SLC24A2: variants seen among roughly 807,000 people sequenced by gnomAD.
SLC24A2 encodes solute carrier family 24 member 2.
A neutral mutation model predicts 62.0 loss-of-function variants in SLC24A2; 36 were observed. That is an observed-to-expected ratio of 0.58 (90% CI 0.44 to 0.77). The LOEUF (loss-of-function observed/expected upper bound fraction) is 0.77, where lower values mean the gene tolerates loss of function less well. Ranked by LOEUF, SLC24A2 falls within the 30% of genes least tolerant of loss-of-function variation. The probability of loss-of-function intolerance (pLI) is 0.00; values close to 1 mark genes in which losing one functional copy is unlikely to be tolerated. For synonymous variants in SLC24A2, 358 were observed against 294.0 expected, an observed-to-expected ratio of 1.22 and a Z score of -2.23; for missense variants, 846 against 817.9, an observed-to-expected ratio of 1.03 and a Z score of -0.42.
intron 2 of SLC24A2, among the ~76,000 whole-genome samples, chr9:19,647,668 G>A (rs1818683392): frequency 1.3e-5 from 2 of 152,160 alleles, no homozygotes; most frequent in Admixed American, 1.3e-4. Context: ...AAACAAACAA[G>A]ATGTATTACC....
chr9:19,581,110 C>G (rs1050049045), intron 5 of SLC24A2, among the ~76,000 whole-genome samples: 6 of 152,168 alleles, frequency 3.9e-5, no homozygotes, highest in African/African-American at 1.4e-4. Context: ...CCTCTCTTCT[C>G]TCAATCCACA....
the SLC24A2 span, among the ~76,000 whole-genome samples, chr9:20,143,493 G>A: frequency 2.6e-5 from 4 of 152,170 alleles, no homozygotes; most frequent in Non-Finnish European, 5.9e-5. Context: ...GACTATGCCA[G>A]GCAGTTTGTC....
At chr9:19,695,986 G>A (rs1313876047) in intron 2 of SLC24A2, among the ~76,000 whole-genome samples, 1 of 152,160 alleles carries the variant, frequency 6.6e-6, no homozygotes. Context: ...CTGTGGACCA[G>A]TACCAGTCTG....
intron 2 of SLC24A2, among the ~76,000 whole-genome samples, chr9:19,698,883 C>G (rs1820275225): frequency 6.6e-6 from 1 of 152,174 alleles, no homozygotes; most frequent in African/African-American, 2.4e-5. Flanking sequence ...ATCACACTTC[C>G]ATTCATTTAT....
the SLC24A2 span, among the ~76,000 whole-genome samples, chr9:20,261,140 G>A: frequency 5.9e-5 from 9 of 152,072 alleles, no homozygotes; most frequent in Non-Finnish European, 8.8e-5. Flanking sequence ...TTACAGGCAC[G>A]AGCCACTGCA....
the SLC24A2 span, among the ~76,000 whole-genome samples, chr9:20,184,757 A>C: frequency 2.0e-5 from 3 of 152,090 alleles, no homozygotes; most frequent in Non-Finnish European, 4.4e-5. Flanking sequence ...GCTTGAGTAT[A>C]TATCCAAAGG....
At chr9:20,227,567 G>A in the SLC24A2 span, among the ~76,000 whole-genome samples, 1 of 139,544 alleles carries the variant, frequency 7.2e-6, no homozygotes, top group Non-Finnish European at 1.5e-5. Context: ...TAAGCAGAAT[G>A]AAGATGACTG....
the SLC24A2 span, among the ~76,000 whole-genome samples, chr9:19,988,956 G>T: frequency 6.6e-6 from 1 of 152,228 alleles, no homozygotes; most frequent in East Asian, 1.9e-4. Flanking sequence ...TTTTCTTTTA[G>T]GAAGCTAACT....
chr9:19,644,144 G>T (rs546475837), intron 2 of SLC24A2, among the ~76,000 whole-genome samples: 5 of 152,324 alleles, frequency 3.3e-5, no homozygotes, highest in Admixed American at 3.3e-4. Context: ...TTTACATGTT[G>T]AGAATAAGGT....
chr9:20,174,579 G>A, the SLC24A2 span, among the ~76,000 whole-genome samples: 6 of 151,826 alleles, frequency 4.0e-5, no homozygotes, highest in Non-Finnish European at 7.4e-5. Flanking sequence ...ATACACAAAT[G>A]GGCAAAGAAC....
the SLC24A2 span, among the ~76,000 whole-genome samples, chr9:20,117,682 C>T: frequency 6.6e-6 from 1 of 152,208 alleles, no homozygotes; most frequent in African/African-American, 2.4e-5. Flanking sequence ...GGTCATATAC[C>T]TAGTAAACGG....
the SLC24A2 span, among the ~76,000 whole-genome samples, chr9:19,796,061 A>T: frequency 1.9e-4 from 28 of 147,416 alleles, no homozygotes; most frequent in East Asian, 5.2e-3. Context: ...CATAGGTGGG[A>T]ATTGAACCAT....
At chr9:19,542,713 G>T (rs1834337285) in intron 8 of SLC24A2, among the ~76,000 whole-genome samples, 1 of 152,158 alleles carries the variant, frequency 6.6e-6, no homozygotes. Flanking sequence ...TTTGTCATTG[G>T]TTCTGTGTAT....
At chr9:19,534,553 C>A (rs995095904) in intron 8 of SLC24A2, among the ~76,000 whole-genome samples, 12 of 151,920 alleles carry the variant, frequency 7.9e-5, no homozygotes, top group East Asian at 1.9e-4. Context: ...ATCCCCTCCC[C>A]GGGTCCATGT....
chr9:19,789,102 G>GGCTGTGC (rs566852065), upstream of SLC24A2, among the ~76,000 whole-genome samples: 2,024 of 152,306 alleles, frequency 0.013, 45 homozygotes, highest in African/African-American at 0.042. Flanking sequence ...CCTCCCTCTG[G>GGCTGTGC]GCTGTGCGCT....
intron 2 of SLC24A2, among the ~76,000 whole-genome samples, chr9:19,668,596 G>A (rs62564196): frequency 0.048 from 7,265 of 152,068 alleles, 208 homozygotes; most frequent in African/African-American, 0.077. Flanking sequence ...CTGCAGTGGC[G>A]CCATCCATCA....
At chr9:20,071,577 G>A in the SLC24A2 span, among the ~76,000 whole-genome samples, 24 of 152,164 alleles carry the variant, frequency 1.6e-4, no homozygotes, top group African/African-American at 5.8e-4. Flanking sequence ...ATTTATAAAT[G>A]TTACATTATA....
At chr9:20,088,990 T>C in the SLC24A2 span, among the ~76,000 whole-genome samples, 2 of 152,226 alleles carry the variant, frequency 1.3e-5, no homozygotes, top group African/African-American at 2.4e-5. Flanking sequence ...CAGACTATTA[T>C]GTGGGTCCCT....
chr9:19,777,152 G>T (rs903577350), intron 2 of SLC24A2, among the ~76,000 whole-genome samples: 1 of 152,196 alleles, frequency 6.6e-6, no homozygotes, highest in Non-Finnish European at 1.5e-5. Context: ...ATTTGTAAGA[G>T]ATCTTTGTGT....
Sources: allele counts gnomAD v4.1 joint callset (sites outside exome capture counted in the v4.1 genomes callset), GRCh38; gene constraint gnomAD v4.1.1; transcripts MANE v1.5; gene names NCBI Gene and HGNC (gene_info 2026-07-23, HGNC 2026-07-21).